Variants in NEIL2 observed in about 807,000 individuals in gnomAD.
The protein encoded by NEIL2 is endonuclease 8-like 2.
NEIL2 carries 23 observed loss-of-function variants against 22.2 expected under a neutral mutation model. The observed-to-expected ratio is 1.04, with a 90% CI of 0.75 to 1.47. NEIL2 has a LOEUF of 1.47. Among genes scored for constraint, NEIL2 ranks in the 40% most tolerant of loss-of-function variants. The pLI, the probability that NEIL2 is intolerant of heterozygous loss-of-function variation, is 0.00. For missense variants in NEIL2, 583 were observed against 404.7 expected, an observed-to-expected ratio of 1.44 and a Z score of -3.78; for synonymous variants, 229 against 164.8, an observed-to-expected ratio of 1.39 and a Z score of -2.99.
chr8:11,779,359 C>G (rs1804189652), intron 2 of NEIL2, among the ~76,000 whole-genome samples: 1 of 152,198 alleles, frequency 6.6e-6, no homozygotes, highest in African/African-American at 2.4e-5. Flanking sequence ...GCCTTGCCAT[C>G]TTGCATGGGT....
At chr8:11,779,009 C>T (rs941329590) in intron 2 of NEIL2, among the ~76,000 whole-genome samples, 15 of 127,288 alleles carry the variant, frequency 1.2e-4, no homozygotes, top group African/African-American at 3.7e-4. Context: ...TATTTATTTT[C>T]TTCTACTGAA....
chr8:11,783,538 CT>C (rs1804633606), intron 4 of NEIL2, 139 bp downstream of exon 4: 1 of 729,278 alleles, frequency 1.4e-6, no homozygotes, highest in East Asian at 2.6e-5. Flanking sequence ...AATCTCCTTT[CT>C]TTTACTTCCC....
chr8:11,784,169 G>C (rs1463074322), intron 4 of NEIL2, among the ~76,000 whole-genome samples: 1 of 152,180 alleles, frequency 6.6e-6, no homozygotes, highest in African/African-American at 2.4e-5. Context: ...CCTTCACGAG[G>C]GTCGGAGGAG....
Position 11,786,643 on chromosome 8 carries a change from T to G in NEIL2, c.*370T>G. The stretch of plus-strand genomic sequence containing the variant: ...GATGATGTGGGTTTTTTTTTTTTTT[T>G]TGGTTGTTTGTTTTGAGAGAGAGTC... On this transcript the variant is annotated 3_prime_UTR_variant, in exon 5 of 5. Transcript: ENST00000284503. 3.3e-6 allele frequency: 1 copy of G among 298,846 alleles called. No homozygotes were observed. Among genetic ancestry groups the G allele is most frequent in the South Asian group, 3.2e-5 (1 of 31,414 alleles). The allele number at this position is 298,846 out of a possible 1,614,324, so 18.5% of individuals were successfully genotyped here. A position where few individuals can be genotyped will look rare whatever the true frequency, so the allele number is the denominator to read the frequency against.
chr8:11,783,191 C>T lies in NEIL2; in HGVS notation c.492-12C>T. ...TAACGATGTGTACATATGACCTGTT[C>T]TTTCTTCCCAGGTTGGTCCTGCACT... On this transcript the variant is annotated splice_polypyrimidine_tract_variant and intron_variant, in intron 3 of 4. Coordinates refer to ENST00000284503, the MANE Select transcript of NEIL2 (RefSeq NM_145043.4). 1.9e-6 allele frequency: 3 copies of T among 1,613,314 alleles called. No individual in the cohort carries two copies. The South Asian group carries it at 3.3e-5, about 18-fold the overall frequency.
intron 2 of NEIL2, among the ~76,000 whole-genome samples, chr8:11,779,047 C>A (rs1327325954): frequency 6.7e-6 from 1 of 149,818 alleles, no homozygotes; most frequent in Non-Finnish European, 1.5e-5. Context: ...GAGGTGGGTC[C>A]TTTGCCTTAT....
At chr8:11,781,177 GT>G (rs5889384) in intron 3 of NEIL2, among the ~76,000 whole-genome samples, 11 of 152,204 alleles carry the variant, frequency 7.2e-5, no homozygotes, top group Admixed American at 7.2e-4. Context: ...CTTTATTTGT[GT>G]GGCCTGACGT....
rs544140892 is a variant in NEIL2 at position 11,778,930 on chromosome 8, C to G, written c.139-668C>G. ...TGGTGCCACTACACTCCAGTCTAGGCGAGACTCCATCTGAAAAAAAAAAAA... is the reference window on the plus strand; with the variant it reads ...TGGTGCCACTACACTCCAGTCTAGGGGAGACTCCATCTGAAAAAAAAAAAA... On this transcript the variant is annotated intron_variant, in intron 2 of 4. Coordinates refer to ENST00000284503, the MANE Select transcript of NEIL2 (RefSeq NM_145043.4). 1.2e-4 allele frequency among the ~76,000 whole-genome samples: 13 copies of G among 104,416 alleles called. No individual in the cohort carries two copies. In the South Asian group the frequency reaches 2.5e-3, roughly 20 times the overall value. The allele number at this position is 104,416 out of a possible 152,430, so 68.5% of individuals were successfully genotyped here. A position where few individuals can be genotyped will look rare whatever the true frequency, so the allele number is the denominator to read the frequency against.
Position 11,786,477 on chromosome 8 carries a change from T to G in NEIL2, c.*204T>G. 1 of 609,036 alleles carries G rather than the reference T, an allele frequency of 1.6e-6. No individual in the cohort carries two copies. Among genetic ancestry groups the G allele is most frequent in the South Asian group, 2.0e-5 (1 of 51,206 alleles). 37.7% of individuals were successfully genotyped at this position (609,036 alleles called of 1,614,324 possible). A position where few individuals can be genotyped will look rare whatever the true frequency, so the allele number is the denominator to read the frequency against. ...TTTTTTTATCCTTTTCTAGTTCAGT[T>G]AATTCATCCTGTTGAATTGCACCAT... On this transcript the variant is annotated 3_prime_UTR_variant, in exon 5 of 5. Coordinates refer to ENST00000284503, the MANE Select transcript of NEIL2 (RefSeq NM_145043.4).
chr8:11,780,310 T>TTTATATAA (rs1268687490), intron 3 of NEIL2, among the ~76,000 whole-genome samples: 3 of 152,214 alleles, frequency 2.0e-5, no homozygotes, highest in Non-Finnish European at 4.4e-5. Flanking sequence ...ATATTGTTTG[T>TTTATATAA]GTGTTTATTT....
At chr8:11,778,943 GA>G (rs57173797) in intron 2 of NEIL2, among the ~76,000 whole-genome samples, 10 of 44,502 alleles carry the variant, frequency 2.2e-4, no homozygotes, top group South Asian at 1.5e-3. Context: ...GACTCCATCT[GA>G]AAAAAAAAAA....
chr8:11,774,250 C>G lies in NEIL2; in HGVS notation c.138+2665C>G, dbSNP rs1803720135. Among the ~76,000 whole-genome samples, 4 of 152,120 alleles carry G rather than the reference C, an allele frequency of 2.6e-5. No individual in the cohort carries two copies. In the South Asian group the frequency reaches 8.3e-4, roughly 32 times the overall value. On this transcript the variant is annotated intron_variant, in intron 2 of 4. Coordinates refer to ENST00000284503, the MANE Select transcript of NEIL2 (RefSeq NM_145043.4). ...ATTAGCTGGGCATGGTGGTGGGCGC[C>G]TGTAATCCCAGCTACTTGGGAGGCT... is the stretch of plus-strand genomic sequence containing the variant.
intron 3 of NEIL2, 53 bp downstream of exon 3, chr8:11,780,003 C>T: frequency 6.0e-6 from 9 of 1,493,868 alleles, no homozygotes; most frequent in African/African-American, 2.8e-5. Context: ...TAGGGCCCTG[C>T]TTGGTGGGGT....
intron 2 of NEIL2, among the ~76,000 whole-genome samples, chr8:11,778,786 T>A (rs1431750333): frequency 6.6e-6 from 1 of 151,892 alleles, no homozygotes; most frequent in African/African-American, 2.4e-5. Flanking sequence ...ACGTGGTCTC[T>A]GCTAAATATA....
Position 11,786,195 on chromosome 8 carries a change from G to A in NEIL2, c.921G>A (p.Gly307=). 1 of 1,613,704 alleles carries A rather than the reference G, an allele frequency of 6.2e-7. No individual in the cohort carries two copies. Among genetic ancestry groups the A allele is most frequent in the Non-Finnish European group, 8.5e-7 (1 of 1,180,032 alleles). Residue 307 remains glycine, a synonymous_variant, in exon 5 of 5, where the codon GGG becomes GGA. Transcript: ENST00000284503. The part of the protein sequence containing the change: ...VMKEAFGPED[G]LQRLTWWCPQ... The stretch of plus-strand genomic sequence containing the variant: ...AGGAGGCGTTTGGGCCCGAAGATGG[G>A]TTACAGAGGCTCACCTGGTGGTGCC...
In NEIL2 at chr8:11,786,349, G is replaced by C; in HGVS notation, c.*76G>C. The C allele has an allele frequency of 1.4e-6, 2 of 1,414,696 alleles. No homozygotes were observed. The highest frequency in any genetic ancestry group is 2.4e-5 in the East Asian group (1 of 40,848). 87.6% of individuals were successfully genotyped at this position (1,414,696 alleles called of 1,614,324 possible). ...CTAAGTGTCCAGAAAGGAGGATGTG[G>C]GCAGGGACGGGGTACAGAGGATAGT... is the stretch of plus-strand genomic sequence containing the variant. On this transcript the variant is annotated 3_prime_UTR_variant, in exon 5 of 5. Coordinates refer to ENST00000284503, the MANE Select transcript of NEIL2 (RefSeq NM_145043.4).
intron 4 of NEIL2, among the ~76,000 whole-genome samples, chr8:11,784,871 ATTTAT>A (rs945416278): frequency 1.3e-5 from 2 of 152,138 alleles, no homozygotes; most frequent in South Asian, 2.1e-4. Flanking sequence ...TTGGTATTTC[ATTTAT>A]TTTATTTTTT....
rs200904050 is a variant in NEIL2, at chr8:11,772,929, A to AAC, written c.138+1356_138+1357dup. 7.9e-5 allele frequency among the ~76,000 whole-genome samples: 12 copies of AAC among 151,686 alleles called. No homozygotes were observed. The South Asian group carries it at 2.5e-3, about 32-fold the overall frequency. ...TCTTGCCCTCACCCCCCACCCCCGC[A>AAC]ACACACACACACAGAGGTTTTAAAA... On this transcript the variant is annotated intron_variant, in intron 2 of 4. Coordinates refer to ENST00000284503, the MANE Select transcript of NEIL2 (RefSeq NM_145043.4).
chr8:11,770,777 A>G (rs945672483), intron 1 of NEIL2, among the ~76,000 whole-genome samples: 1 of 151,680 alleles, frequency 6.6e-6, no homozygotes, highest in Non-Finnish European at 1.5e-5. Context: ...GGGGGCAGGG[A>G]GAGTAGAGGT....
Sources: gnomAD v4.1 joint callset for allele counts (sites outside exome capture counted in the v4.1 genomes callset) on GRCh38, gnomAD v4.1.1 for gene constraint, MANE v1.5 for transcripts, NCBI Gene and HGNC (gene_info 2026-07-23, HGNC 2026-07-21) for gene names.